MCM7: variants seen among roughly 807,000 people sequenced by gnomAD.
MCM7 encodes the protein DNA replication licensing factor MCM7.
A neutral mutation model predicts 83.5 loss-of-function variants in MCM7; 95 were observed. The observed-to-expected ratio is 1.14, with a 90% CI of 0.96 to 1.35. The LOEUF is 1.35. Ranked by LOEUF, MCM7 falls within the 40% of genes most tolerant of loss-of-function variation. The pLI, the probability that MCM7 is intolerant of heterozygous loss-of-function variation, is 0.00. For synonymous variants in MCM7, 461 were observed against 352.7 expected, an observed-to-expected ratio of 1.31 and a Z score of -3.44; for missense variants, 1,087 against 957.4, an observed-to-expected ratio of 1.14 and a Z score of -1.79.
At chr7:100,093,659 C>T (rs778228978) in intron 13 of MCM7, 1 of 730,948 alleles carries the variant, frequency 1.4e-6, no homozygotes, top group South Asian at 1.4e-5. Context: ...CGGAGTTCAG[C>T]TGTCCTGTGA....
chr7:100,100,795 C>G, intron 1 of MCM7: 1 of 995,554 alleles, frequency 1.0e-6, no homozygotes, highest in Non-Finnish European at 1.2e-6. Flanking sequence ...CCCGGCTCCA[C>G]TTCCGCTCGG....
At position 100,099,496 on chromosome 7, in the gene MCM7, C is replaced by T. The variant is rs1332588459; in HGVS notation, c.276+93G>A. 6 of 1,585,330 alleles carry T rather than the reference C, an allele frequency of 3.8e-6. No individual in the cohort carries two copies. The African/African-American group carries it at 5.5e-5, about 14-fold the overall frequency. On this transcript the variant is annotated intron_variant, in intron 3 of 14. Coordinates refer to ENST00000303887, the MANE Select transcript of MCM7 (RefSeq NM_005916.5). ...CACCAGGCAGAAGTGCCCCTCCTTT[C>T]TGCCTGCTCAGAAAACATCAGTATC... is the stretch of plus-strand genomic sequence containing the variant.
intron 1 of MCM7, chr7:100,100,501 CCGCTCCCGCCAT>C: frequency 5.0e-6 from 5 of 1,004,394 alleles, no homozygotes; most frequent in Non-Finnish European, 4.8e-6. Flanking sequence ...CACCCCACCC[CCGCTCCCGCCAT>C]CGCTTCCGCT....
At position 100,096,166 on chromosome 7, in the gene MCM7, G is replaced by A. The variant is rs145908961; in HGVS notation, c.1203C>T (p.Ser401=). Residue 401 remains serine (S), a splice_region_variant and synonymous_variant, in exon 11 of 15, where the codon AGC becomes AGT. Transcript: ENST00000303887. The stretch of plus-strand genomic sequence containing the variant: ...AGGAGCCCCGGCCTGTTGTGTACTG[G>A]CCTGGAAGAGAAGAAATAAGGAACC... ...LSYIDRLAPR[S]QYTTGRGSSG... The A allele has an allele frequency of 1.3e-6, 2 of 1,561,546 alleles. No individual in the cohort carries two copies. Among genetic ancestry groups the A allele is most frequent in the African/African-American group, 1.4e-5 (1 of 72,532 alleles).
In MCM7 at chr7:100,099,716, A is replaced by G. The variant is rs1795845724; in HGVS notation, c.149T>C (p.Val50Ala). The change falls in exon 3 of 15, where the codon GTG becomes GCG. Residue 50 changes from valine (V) to alanine (A), a missense_variant. Physicochemically the swap from Val to Ala is moderately conservative, Grantham distance 64. Transcript: ENST00000303887. ...LAHREQVALY[V>A]DLDDVAEDDP... ...ATCCTCGGCTACGTCGTCCAGGTCC[A>G]CATACAGAGCCACCTGTTCCCGATG... The G allele has an allele frequency of 6.2e-7, 1 of 1,614,184 alleles. No individual in the cohort carries two copies. Among genetic ancestry groups the G allele is most frequent in the Non-Finnish European group, 8.5e-7 (1 of 1,180,036 alleles).
Position 100,096,024 on chromosome 7 carries a change from T to C in MCM7, c.1345A>G (p.Lys449Glu). 1 of 1,613,978 alleles carries C rather than the reference T, an allele frequency of 6.2e-7. No individual in the cohort carries two copies. The highest frequency in any genetic ancestry group is 8.5e-7 in the Non-Finnish European group (1 of 1,179,988). ...QGVCCIDEFD[K>E]MAEADRTAIH... ...GCTGTGCGGTCGGCCTCAGCCATCT[T>C]GTCGAACTCATCAATGCAGCACACA... Residue 449 changes from lysine (K) to glutamate (E), a missense_variant, in exon 11 of 15, where the codon AAG (lysine) becomes GAG (glutamate). Lys to Glu is a moderately conservative substitution (Grantham distance 56). Coordinates refer to ENST00000303887, the MANE Select transcript of MCM7 (RefSeq NM_005916.5).
chr7:100,093,953 G>C (rs1250862327), intron 13 of MCM7: 12 of 728,600 alleles, frequency 1.6e-5, no homozygotes, highest in Non-Finnish European at 3.1e-5. Context: ...AGGTTAAGAA[G>C]TGGGGAAAAG....
At chr7:100,095,313 G>A in intron 12 of MCM7, 74 bp downstream of exon 12, 12 of 1,309,518 alleles carry the variant, frequency 9.2e-6, no homozygotes, top group South Asian at 7.6e-5. Context: ...CACACCCTAA[G>A]ACTAATAAGC....
intron 1 of MCM7, 86 bp from the exon 2 acceptor site, chr7:100,100,179 C>A (rs770154634): frequency 7.2e-5 from 110 of 1,535,984 alleles, no homozygotes; most frequent in Non-Finnish European, 7.3e-5. Flanking sequence ...GACCTATGAA[C>A]TAATTAATAA....
intron 1 of MCM7, 48 bp downstream of exon 1, chr7:100,101,216 C>A (rs529511263): frequency 4.9e-5 from 79 of 1,610,768 alleles, no homozygotes; most frequent in Non-Finnish European, 6.5e-5. Context: ...AGGTGTTCCC[C>A]GGGAGGCTCC....
chr7:100,094,878 C>T (rs577486517), intron 12 of MCM7, among the ~76,000 whole-genome samples: 1 of 152,262 alleles, frequency 6.6e-6, no homozygotes, highest in South Asian at 2.1e-4. Flanking sequence ...ATTTCATATA[C>T]AACTGATACA....
At chr7:100,100,137 A>C in intron 1 of MCM7, 44 bp from the exon 2 acceptor site, 1 of 1,605,510 alleles carries the variant, frequency 6.2e-7, no homozygotes, top group South Asian at 1.1e-5. Flanking sequence ...ACTTTAAGAC[A>C]AATCTTAGAT....
intron 1 of MCM7, 101 bp downstream of exon 1, chr7:100,101,163 A>G (rs1268080019): frequency 2.1e-5 from 32 of 1,488,888 alleles, no homozygotes; most frequent in Non-Finnish European, 3.0e-5. Context: ...CGCACCCCAG[A>G]ACCCGCCGAC....
At position 100,099,532 on chromosome 7, in the gene MCM7, C is replaced by G. The variant is rs1795830471; in HGVS notation, c.276+57G>C. 4.1e-5 allele frequency: 65 copies of G among 1,600,988 alleles called. No individual in the cohort carries two copies. In the South Asian group the frequency reaches 7.1e-4, roughly 18 times the overall value. On this transcript the variant is annotated intron_variant, in intron 3 of 14. Transcript: ENST00000303887. ...GAAAACATCAGTATCTGAGCAGCCT[C>G]TCTACAGAAGCTTAAACGCCTCGCC... is the stretch of plus-strand genomic sequence containing the variant.
Position 100,099,418 on chromosome 7 carries a change from C to CAAAAAAAAAAAGAAAA in MCM7, c.277-16_277-15insTTTTCTTTTTTTTTTT. The CAAAAAAAAAAAGAAAA allele has an allele frequency of 7.7e-7, 1 of 1,302,352 alleles. No individual in the cohort carries two copies. Among genetic ancestry groups the CAAAAAAAAAAAGAAAA allele is most frequent in the Non-Finnish European group, 9.9e-7 (1 of 1,013,602 alleles). The allele number at this position is 1,302,352 out of a possible 1,614,324, so 80.7% of individuals were successfully genotyped here. A position where few individuals can be genotyped will look rare whatever the true frequency, so the allele number is the denominator to read the frequency against. ...TTATTTACCACCTAAAGGAGAAGAA[C>CAAAAAAAAAAAGAAAA]AAAAAAAAAAAAAAAAAAGAGCAAC... is the stretch of plus-strand genomic sequence containing the variant. On this transcript the variant is annotated splice_polypyrimidine_tract_variant and intron_variant, in intron 3 of 14. Transcript: ENST00000303887.
At chr7:100,097,795 G>A in intron 8 of MCM7, 39 bp downstream of exon 8, 1 of 1,613,978 alleles carries the variant, frequency 6.2e-7, no homozygotes, top group Non-Finnish European at 8.5e-7. Context: ...AGGGAGCTAG[G>A]ATGTAAACGG....
At chr7:100,093,722 G>A in intron 13 of MCM7, 1 of 650,718 alleles carries the variant, frequency 1.5e-6, no homozygotes, top group Non-Finnish European at 3.0e-6. Context: ...GACAGATGGA[G>A]CTTGGGGAGC....
intron 1 of MCM7, chr7:100,101,012 C>T (rs781741647): frequency 1.5e-5 from 12 of 783,930 alleles, no homozygotes; most frequent in Admixed American, 6.3e-5. Context: ...GTTAGCGCGC[C>T]CCCAAGCCCC....
Position 100,099,459 on chromosome 7 carries a change from G to A in MCM7, c.277-56C>T, listed in dbSNP as rs570185361. 8.8e-6 allele frequency: 14 copies of A among 1,585,922 alleles called. No homozygotes were observed. In the East Asian group the frequency reaches 2.2e-4, roughly 25 times the overall value. On this transcript the variant is annotated intron_variant, in intron 3 of 14. Coordinates refer to ENST00000303887, the MANE Select transcript of MCM7 (RefSeq NM_005916.5). ...AAAGAGCAACAGGATGGGGAAAGGA[G>A]AGCACAGAGAACACCAGGCAGAAGT...
Sources: allele counts gnomAD v4.1 joint callset (sites outside exome capture counted in the v4.1 genomes callset), GRCh38; gene constraint gnomAD v4.1.1; transcripts MANE v1.5; gene names NCBI Gene and HGNC (gene_info 2026-07-23, HGNC 2026-07-21).